The following EXD3 variants were observed in gnomAD, a reference collection of about 807,000 sequenced individuals.
EXD3 encodes exonuclease mut-7 homolog.
EXD3 carries 92 observed loss-of-function variants against 98.0 expected under a neutral mutation model. The ratio of observed to expected loss-of-function variants is 0.94; its 90% confidence interval spans 0.79 to 1.12. EXD3 has a LOEUF of 1.12. Ranked by LOEUF, EXD3 falls within the 50% of genes most tolerant of loss-of-function variation. The pLI, the probability that EXD3 is intolerant of heterozygous loss-of-function variation, is 0.00. For missense variants in EXD3, 1,222 were observed against 1,191.6 expected (o/e 1.03, Z -0.38); for synonymous variants, 569 against 526.0 (o/e 1.08, Z -1.12).
chr9:137,408,802 G>A (rs1403106883), intron 1 of EXD3, among the ~76,000 whole-genome samples: 1 of 152,192 alleles, frequency 6.6e-6, no homozygotes, highest in Non-Finnish European at 1.5e-5. Context: ...ACCCTGTACA[G>A]GGAAGCCAGG....
Position 137,352,661 on chromosome 9 carries a change from A to G in EXD3, c.996T>C (p.Ala332=). ...ACCGGCGGAGTTCCACAGCCACCGC[A>G]GCCGGCAGCCGCTCCTCGGGCAGCA... The part of the protein sequence containing the change: ...ELLLPEERLP[A]AVAVELRRFR... The change falls in exon 11 of 22, where the codon GCT becomes GCC. Residue 332 remains alanine (A), a synonymous_variant. Transcript: ENST00000340951. 6.5e-7 allele frequency: 1 copy of G among 1,549,844 alleles called. No individual in the cohort carries two copies.
chr9:137,372,630 G>C (rs576214566), intron 5 of EXD3, among the ~76,000 whole-genome samples: 1 of 152,232 alleles, frequency 6.6e-6, no homozygotes, highest in Non-Finnish European at 1.5e-5. Flanking sequence ...TGAGGGCCCA[G>C]TGCATGCTGG....
intron 5 of EXD3, among the ~76,000 whole-genome samples, chr9:137,369,480 G>A (rs1256416131): frequency 6.6e-6 from 1 of 152,228 alleles, no homozygotes; most frequent in Non-Finnish European, 1.5e-5. Context: ...GTGCAGGGAA[G>A]TGGAGGATGG....
chr9:137,323,597 C>G lies in EXD3; in HGVS notation c.2184+128G>C, dbSNP rs114534128. The stretch of plus-strand genomic sequence containing the variant: ...TCTGCCGACACCTCACCCTGGACCA[C>G]GAGGGATGCTCTGCCGACACCCCAC... On this transcript the variant is annotated intron_variant, in intron 19 of 21. Coordinates refer to ENST00000340951, the MANE Select transcript of EXD3 (RefSeq NM_017820.5). 36 of 1,316,630 alleles carry G rather than the reference C, an allele frequency of 2.7e-5. 1 individual carries two copies. Among genetic ancestry groups the G allele is most frequent in the African/African-American group, 1.7e-4 (11 of 64,914 alleles). 81.6% of individuals were successfully genotyped at this position (1,316,630 alleles called of 1,614,324 possible). A position where few individuals can be genotyped will look rare whatever the true frequency, so the allele number is the denominator to read the frequency against.
chr9:137,395,230 CA>C lies in EXD3; in HGVS notation c.55+72del. 1 of 1,362,134 alleles carries C rather than the reference CA, an allele frequency of 7.3e-7. No homozygotes were observed. The highest frequency in any genetic ancestry group is 1.0e-6 in the Non-Finnish European group (1 of 953,506). 84.4% of individuals were successfully genotyped at this position (1,362,134 alleles called of 1,614,324 possible). A position where few individuals can be genotyped will look rare whatever the true frequency, so the allele number is the denominator to read the frequency against. ...TCACTGAGTACACAGTGGGCGCCAC[CA>C]CCCCCCATGCACACCCACGCACCTC... is the stretch of plus-strand genomic sequence containing the variant. On this transcript the variant is annotated intron_variant, in intron 2 of 21. Transcript: ENST00000340951. The surrounding 1 kb of genome is among the most constrained non-coding windows in gnomAD (Gnocchi z 6.5).
At chr9:137,341,512 G>A (rs1254205682) in intron 17 of EXD3, among the ~76,000 whole-genome samples, 1 of 151,628 alleles carries the variant, frequency 6.6e-6, no homozygotes, top group African/African-American at 2.4e-5. Context: ...CAGGCACCAG[G>A]AGCCGTCTCC....
At position 137,367,313 on chromosome 9, in the gene EXD3, G is replaced by A. The variant is rs138373396; in HGVS notation, c.516+623C>T. ...GACCTGGAGTCTGCACCCATCGCCC[G>A]GAGCACAGCCCTGCAGGCTGTGTAG... is the stretch of plus-strand genomic sequence containing the variant. On this transcript the variant is annotated intron_variant, in intron 6 of 21. Coordinates refer to ENST00000340951, the MANE Select transcript of EXD3 (RefSeq NM_017820.5). 4.1e-3 allele frequency among the ~76,000 whole-genome samples: 624 copies of A among 152,202 alleles called. 3 individuals are homozygous for A. Among genetic ancestry groups the A allele is most frequent in the Middle Eastern group, 6.8e-3 (2 of 294 alleles).
At chr9:137,327,018 C>A (rs555574311) in intron 17 of EXD3, among the ~76,000 whole-genome samples, 5 of 151,942 alleles carry the variant, frequency 3.3e-5, no homozygotes, top group Admixed American at 3.3e-4. Context: ...TGGGCAGATA[C>A]TATATGATTC....
At chr9:137,344,572 C>T (rs1168985543) in intron 17 of EXD3, among the ~76,000 whole-genome samples, 3 of 152,200 alleles carry the variant, frequency 2.0e-5, no homozygotes, top group Non-Finnish European at 4.4e-5. Flanking sequence ...TGTTTCTGAC[C>T]TCACTCCTGC....
chr9:137,390,066 G>A (rs1836814031), intron 2 of EXD3, among the ~76,000 whole-genome samples: 2 of 136,348 alleles, frequency 1.5e-5, no homozygotes, highest in African/African-American at 2.9e-5. Flanking sequence ...AGGTTGCAGT[G>A]AGCCAAGGTT....
chr9:137,373,646 C>A, intron 3 of EXD3, 47 bp from the exon 4 acceptor site: 1 of 1,537,414 alleles, frequency 6.5e-7, no homozygotes. Context: ...GCACTCAAAG[C>A]CTCCTGGCAA....
intron 1 of EXD3, among the ~76,000 whole-genome samples, chr9:137,409,717 ACT>A (rs953751954): frequency 6.6e-6 from 1 of 152,000 alleles, no homozygotes; most frequent in African/African-American, 2.4e-5. Context: ...CTCGCTGCAC[ACT>A]CTCTGTAACT....
intron 19 of EXD3, among the ~76,000 whole-genome samples, chr9:137,316,853 G>C (rs1670643392): frequency 2.0e-5 from 3 of 152,188 alleles, no homozygotes; most frequent in African/African-American, 7.2e-5. Context: ...GGGCCTGCCT[G>C]GATGGAAGGG....
Position 137,324,556 on chromosome 9 carries a change from G to A in EXD3, c.1999-413C>T, listed in dbSNP as rs1005388924. Among the ~76,000 whole-genome samples, 6 of 152,146 alleles carry A rather than the reference G, an allele frequency of 3.9e-5. No individual in the cohort carries two copies. Among genetic ancestry groups the A allele is most frequent in the African/African-American group, 7.2e-5 (3 of 41,424 alleles). Reference sequence around the variant, plus strand: ...AAAATGAAGAAAACCCTGCAATGACGATGCTCTGGGTGACAGTGTCGACGT... The same window carrying A: ...AAAATGAAGAAAACCCTGCAATGACAATGCTCTGGGTGACAGTGTCGACGT... On this transcript the variant is annotated intron_variant, in intron 17 of 21. Coordinates refer to ENST00000340951, the MANE Select transcript of EXD3 (RefSeq NM_017820.5). The surrounding 1 kb of genome is among the most constrained non-coding windows in gnomAD (Gnocchi z 4.1).
At chr9:137,308,785 T>C (rs921725696) in intron 20 of EXD3, among the ~76,000 whole-genome samples, 4 of 152,014 alleles carry the variant, frequency 2.6e-5, no homozygotes, top group Non-Finnish European at 4.4e-5. Context: ...CACAGGCGTG[T>C]GCCACCACAC....
chr9:137,419,878 G>A (rs936995355), intron 1 of EXD3, among the ~76,000 whole-genome samples: 1 of 151,714 alleles, frequency 6.6e-6, no homozygotes, highest in Non-Finnish European at 1.5e-5. Flanking sequence ...AGAAAAAAGC[G>A]GCCGGGCGCG....
intron 14 of EXD3, 124 bp downstream of exon 14, chr9:137,350,914 G>A (rs990740818): frequency 1.1e-5 from 8 of 741,710 alleles, no homozygotes; most frequent in South Asian, 1.7e-5. Flanking sequence ...TGGTGACTGA[G>A]GCTGTGCTGA....
At chr9:137,321,125 G>T (rs1046277622) in intron 19 of EXD3, among the ~76,000 whole-genome samples, 10 of 152,250 alleles carry the variant, frequency 6.6e-5, no homozygotes, top group Non-Finnish European at 4.4e-5. Flanking sequence ...GCCGGCTGCA[G>T]ATCCGAGCCG....
At chr9:137,411,381 G>A (rs1249200865) in intron 1 of EXD3, among the ~76,000 whole-genome samples, 2 of 152,084 alleles carry the variant, frequency 1.3e-5, no homozygotes, top group Admixed American at 1.3e-4. Flanking sequence ...GGGCAGCCCT[G>A]CTCCTCGGTT....
Sources: allele counts gnomAD v4.1 joint callset (sites outside exome capture counted in the v4.1 genomes callset), GRCh38; gene constraint gnomAD v4.1.1; non-coding constraint Gnocchi (gnomAD v3.1); transcripts MANE v1.5; gene names NCBI Gene and HGNC (gene_info 2026-07-23, HGNC 2026-07-21).